The following ZNF467 variants were observed in gnomAD, a reference collection of about 807,000 sequenced individuals.
The protein encoded by ZNF467 is zinc finger protein 467, also known as zinc finger protein EZI.
ZNF467 carries 51 observed loss-of-function variants against 47.8 expected under a neutral mutation model. The ratio of observed to expected loss-of-function variants is 1.07; its 90% CI spans 0.85 to 1.35. ZNF467 has a LOEUF of 1.35. ZNF467 is among the 40% of genes most tolerant of loss of function. The pLI, the probability that ZNF467 is intolerant of heterozygous loss-of-function variation, is 0.00. For synonymous variants in ZNF467, 416 were observed against 372.9 expected, an observed-to-expected ratio of 1.12 and a Z score of -1.33; for missense variants, 992 against 858.1, an observed-to-expected ratio of 1.16 and a Z score of -1.95.
chr7:149,768,594 G>A (rs997904508), intron 4 of ZNF467, among the ~76,000 whole-genome samples: 1 of 152,236 alleles, frequency 6.6e-6, no homozygotes, highest in Non-Finnish European at 1.5e-5. Flanking sequence ...GCAGTGGAAG[G>A]AAGTCATGGT....
At position 149,770,512 on chromosome 7, in the gene ZNF467, T is replaced by G. The variant is rs1266357599; in HGVS notation, c.79A>C (p.Arg27=). ...QPEMAPQSEP[R]EGSHNAQEQM... ...TCCTGGGCATTATGGGATCCTTCCCTGGGCTCACTTTGGGGGGCCATCTCT... is the reference window on the plus strand; with the variant it reads ...TCCTGGGCATTATGGGATCCTTCCCGGGGCTCACTTTGGGGGGCCATCTCT... Residue 27 remains arginine, a synonymous_variant, in exon 3 of 5, where the codon AGG becomes CGG. Transcript: ENST00000302017. 1 of 1,613,844 alleles carries G rather than the reference T, an allele frequency of 6.2e-7. No homozygotes were observed. The highest frequency in any genetic ancestry group is 2.2e-5 in the East Asian group (1 of 44,874).
At position 149,773,358 on chromosome 7, in the gene ZNF467, C is replaced by G. The variant is rs1305437735; in HGVS notation, c.-293G>C. The G allele has an allele frequency of 2.0e-5, 3 of 151,066 alleles. No homozygotes were observed. The highest frequency in any genetic ancestry group is 7.3e-5 in the African/African-American group (3 of 40,876). 9.4% of individuals were successfully genotyped at this position (151,066 alleles called of 1,614,324 possible). A position where few individuals can be genotyped will look rare whatever the true frequency, so the allele number is the denominator to read the frequency against. On this transcript the variant is annotated 5_prime_UTR_variant, in exon 1 of 5. Coordinates refer to ENST00000302017, the MANE Select transcript of ZNF467 (RefSeq NM_207336.3). ...GGGCGGAGAGCCCCGGCGCACCGGG[C>G]TGGGGGAGGCAGGGGCAGGGGGTTT... is the stretch of plus-strand genomic sequence containing the variant.
Position 149,765,226 on chromosome 7 carries a change from AG to A in ZNF467, c.1275del (p.Ser426ArgfsTer105), listed in dbSNP as rs1286515742. 2 of 1,462,652 alleles carry A rather than the reference AG, an allele frequency of 1.4e-6. No individual in the cohort carries two copies. The highest frequency in any genetic ancestry group is 2.6e-5 in the Admixed American group (1 of 37,948). The allele number at this position is 1,462,652 out of a possible 1,614,324, so 90.6% of individuals were successfully genotyped here. On this transcript the variant is annotated frameshift_variant, in exon 5 of 5. Transcript: ENST00000302017. LOFTEE classifies it high-confidence loss of function. ...GSDPVVPQRA[P>X]SGERSFFCPD... Reference sequence around the variant, plus strand: ...GGGCAGAAGAAGGACCGCTCGCCCGAGGGGGCGCGCTGGGGCACCACGGGAT... The same window carrying A: ...GGGCAGAAGAAGGACCGCTCGCCCGAGGGGCGCGCTGGGGCACCACGGGAT...
rs1375893018 is a variant in ZNF467, at chr7:149,765,877, T to G, written c.625A>C (p.Ser209Arg). Residue 209 changes from serine to arginine, a missense_variant, in exon 5 of 5, where the codon AGC becomes CGC. Ser to Arg is a moderately radical substitution (Grantham distance 110). Transcript: ENST00000302017. Reference protein sequence around the residue: ...QRAHMLLHQRSHRGERPFPCS... With the variant: ...QRAHMLLHQRRHRGERPFPCS... ...GGGAAAGGCCGCTCGCCGCGGTGGC[T>G]GCGCTGATGCAGTAGCATGTGGGCG... is the stretch of plus-strand genomic sequence containing the variant. 1.3e-6 allele frequency: 2 copies of G among 1,594,386 alleles called. No individual in the cohort carries two copies. Among genetic ancestry groups the G allele is most frequent in the Admixed American group, 1.7e-5 (1 of 57,464 alleles).
Position 149,765,293 on chromosome 7 carries a change from CA to C in ZNF467, c.1208del (p.Leu403ArgfsTer128). 1 of 1,472,796 alleles carries C rather than the reference CA, an allele frequency of 6.8e-7. No homozygotes were observed. The highest frequency in any genetic ancestry group is 9.0e-7 in the Non-Finnish European group (1 of 1,110,820). 91.2% of individuals were successfully genotyped at this position (1,472,796 alleles called of 1,614,324 possible). On this transcript the variant is annotated frameshift_variant, in exon 5 of 5. Coordinates refer to ENST00000302017, the MANE Select transcript of ZNF467 (RefSeq NM_207336.3). LOFTEE classifies it high-confidence loss of function. ...ATVDAPAAKPLASAPGGPGCG... is the reference protein window; with the variant it reads ...ATVDAPAAKPXASAPGGPGCG... Reference sequence around the variant, plus strand: ...AGCCCGGTCCGCCAGGCGCGCTGGCCAGGGGCTTGGCGGCGGGGGCATCCAC... The same window carrying C: ...AGCCCGGTCCGCCAGGCGCGCTGGCCGGGGCTTGGCGGCGGGGGCATCCAC...
upstream of ZNF467, chr7:149,776,381 A>C: frequency 7.3e-7 from 1 of 1,363,772 alleles, no homozygotes; most frequent in Non-Finnish European, 9.8e-7. Context: ...ATCCGTGTGG[A>C]GGAGGAAGTG....
intron 4 of ZNF467, 95 bp from the exon 5 acceptor site, chr7:149,766,334 G>A: frequency 6.7e-7 from 1 of 1,487,274 alleles, no homozygotes; most frequent in South Asian, 1.4e-5. Flanking sequence ...CCGCGGTCTG[G>A]CTCTGCTCTC....
At position 149,764,992 on chromosome 7, in the gene ZNF467, G is replaced by T. The variant is rs752193377; in HGVS notation, c.1510C>A (p.Arg504Ser). The T allele has an allele frequency of 6.3e-7, 1 of 1,590,706 alleles. No individual in the cohort carries two copies. Among genetic ancestry groups the T allele is most frequent in the East Asian group, 2.3e-5 (1 of 44,354 alleles). Residue 504 changes from arginine to serine, a missense_variant, in exon 5 of 5, where the codon CGC becomes AGC. Transcript: ENST00000302017. ...RRFSRKSHLG[R>S]HQAVHTGSRP... ...CTGCCAGTGTGCACCGCCTGGTGGC[G>T]GCCCAGGTGCGACTTGCGGCTGAAG...
rs2117452500 is a variant in ZNF467 at position 149,770,657 on chromosome 7, T to G, written c.35-101A>C. 15 of 998,834 alleles carry G rather than the reference T, an allele frequency of 1.5e-5. 1 individual carries two copies. Among genetic ancestry groups the G allele is most frequent in the Middle Eastern group, 2.4e-4 (1 of 4,096 alleles). 61.9% of individuals were successfully genotyped at this position (998,834 alleles called of 1,614,324 possible). A position where few individuals can be genotyped will look rare whatever the true frequency, so the allele number is the denominator to read the frequency against. On this transcript the variant is annotated intron_variant, in intron 2 of 4. Coordinates refer to ENST00000302017, the MANE Select transcript of ZNF467 (RefSeq NM_207336.3). ...CTTCCCAGCCTGCCCAAGAGACTTT[T>G]CCCAACCTGCTCAGGAAGGACAGGG...
chr7:149,776,300 G>T (rs749530579), upstream of ZNF467: 4 of 1,333,634 alleles, frequency 3.0e-6, no homozygotes, highest in Admixed American at 8.2e-5. Flanking sequence ...GGCTTTTGGT[G>T]ACAGAGGGAA....
At chr7:149,772,835 A>C (rs1313087921) in intron 1 of ZNF467, among the ~76,000 whole-genome samples, 15 of 37,334 alleles carry the variant, frequency 4.0e-4, no homozygotes, top group Non-Finnish European at 5.0e-4. Flanking sequence ...CCCCCTTCCC[A>C]CCTGCCTCCC....
rs11984079 is a variant in ZNF467, at chr7:149,765,845, G to A, written c.657C>T (p.Ser219=). The A allele has an allele frequency of 1.9e-3, 3,033 of 1,607,196 alleles. 52 individuals are homozygous for A. The African/African-American group carries it at 0.036, about 19-fold the overall frequency. The change falls in exon 5 of 5, where the codon TCC becomes TCT. Residue 219 remains serine, a synonymous_variant. Transcript: ENST00000302017. The part of the protein sequence containing the change: ...SHRGERPFPC[S]ECDKRFSKKA... The stretch of plus-strand genomic sequence containing the variant: ...TCTTGCTGAAGCGCTTGTCGCACTC[G>A]GAGCACGGGAAAGGCCGCTCGCCGC...
Position 149,764,662 on chromosome 7 carries a change from G to C in ZNF467, c.*52C>G, listed in dbSNP as rs1799089786. ...CTTGCTCACCCCAGGCGGTCTCATG[G>C]CACGGGCCTCTCGAAACTGTGGGCA... On this transcript the variant is annotated 3_prime_UTR_variant, in exon 5 of 5. Transcript: ENST00000302017. The C allele has an allele frequency of 1.3e-6, 2 of 1,560,782 alleles. No individual in the cohort carries two copies. Among genetic ancestry groups the C allele is most frequent in the Non-Finnish European group, 1.7e-6 (2 of 1,151,072 alleles).
At chr7:149,772,858 C>T in intron 1 of ZNF467, among the ~76,000 whole-genome samples, 1 of 122,786 alleles carries the variant, frequency 8.1e-6, no homozygotes, top group East Asian at 2.5e-4. Flanking sequence ...CCGACCCCCT[C>T]CCAGCCCCCG....
At chr7:149,767,466 CCT>C (rs748659470) in intron 4 of ZNF467, among the ~76,000 whole-genome samples, 1 of 152,236 alleles carries the variant, frequency 6.6e-6, no homozygotes, top group Admixed American at 6.5e-5. Flanking sequence ...ATTCCAGACC[CCT>C]GTCTACTTAT....
chr7:149,770,820 G>A (rs1799378567), intron 2 of ZNF467, among the ~76,000 whole-genome samples, 179 bp downstream of exon 2: 1 of 152,194 alleles, frequency 6.6e-6, no homozygotes, highest in African/African-American at 2.4e-5. Flanking sequence ...GGTCTAGAGC[G>A]CAGCCTCCAC....
upstream of ZNF467, chr7:149,776,448 G>T: frequency 7.4e-7 from 1 of 1,347,702 alleles, no homozygotes; most frequent in South Asian, 1.2e-5. Flanking sequence ...ACAGCCGCCT[G>T]GGCTGGCGGC....
At chr7:149,775,708 TACACACACACACACACACACAC>T (rs3085320), upstream of ZNF467, among the ~76,000 whole-genome samples, 68 of 138,998 alleles carry the variant, frequency 4.9e-4, no homozygotes, top group East Asian at 1.5e-3. Context: ...AGTGTGAAAA[TACACACACACACACACACACAC>T]ACACACACAC....
intron 2 of ZNF467, among the ~76,000 whole-genome samples, 188 bp from the exon 3 acceptor site, chr7:149,770,744 G>A (rs558154335): frequency 1.3e-4 from 20 of 152,320 alleles, no homozygotes; most frequent in African/African-American, 4.6e-4. Context: ...AGTCAAAAAG[G>A]ACAGAAGGAA....
Sources: gnomAD v4.1 joint callset for allele counts (sites outside exome capture counted in the v4.1 genomes callset) on GRCh38, gnomAD v4.1.1 for gene constraint, MANE v1.5 for transcripts, NCBI Gene and HGNC (gene_info 2026-07-23, HGNC 2026-07-21) for gene names.